The following CMIP variants were observed in gnomAD, a reference collection of about 807,000 sequenced individuals.
The protein encoded by CMIP is C-Maf-inducing protein.
Under a neutral mutation model 97.3 loss-of-function variants are expected in CMIP, and 13 were observed. That is an observed-to-expected ratio of 0.13 (90% confidence interval 0.09 to 0.21). The LOEUF is 0.21. Ranked by LOEUF, CMIP falls within the 10% of genes least tolerant of loss-of-function variation. CMIP has a pLI of 1.00. For missense variants in CMIP, 847 were observed against 1,024.9 expected (o/e 0.83, Z 2.37); for synonymous variants, 538 against 436.3 (o/e 1.23, Z -2.91).
chr16:81,570,390 G>A (rs1172628200), intron 1 of CMIP, among the ~76,000 whole-genome samples: 2 of 152,184 alleles, frequency 1.3e-5, no homozygotes, highest in African/African-American at 2.4e-5. Flanking sequence ...CACACTGGCG[G>A]TGAACCTGGC....
chr16:81,677,538 C>G (rs896368724), intron 9 of CMIP, among the ~76,000 whole-genome samples: 18 of 152,180 alleles, frequency 1.2e-4, no homozygotes, highest in African/African-American at 4.1e-4. Flanking sequence ...AGAGGAGGGG[C>G]TTTAACCAGG....
At chr16:81,573,139 T>C (rs2091126065) in intron 1 of CMIP, among the ~76,000 whole-genome samples, 1 of 152,092 alleles carries the variant, frequency 6.6e-6, no homozygotes, top group Admixed American at 6.5e-5. Context: ...AGATCAGGAG[T>C]TGGAGACCAG....
chr16:81,685,256 G>A (rs1012495686), intron 10 of CMIP, among the ~76,000 whole-genome samples: 1 of 152,212 alleles, frequency 6.6e-6, no homozygotes, highest in African/African-American at 2.4e-5. Context: ...CTGCCAGGAA[G>A]CGGAGCCCCA....
intron 19 of CMIP, among the ~76,000 whole-genome samples, 154 bp downstream of exon 19, chr16:81,705,758 A>C (rs779497106): frequency 3.3e-5 from 5 of 152,278 alleles, no homozygotes; most frequent in African/African-American, 4.8e-5. Context: ...GCTGTGGACC[A>C]GGCACCATTC....
intron 1 of CMIP, among the ~76,000 whole-genome samples, chr16:81,585,691 G>A (rs1326262360): frequency 1.6e-5 from 2 of 126,260 alleles, no homozygotes; most frequent in Non-Finnish European, 3.7e-5. Flanking sequence ...CTTTTGGCCA[G>A]TCCACTTCCC....
intron 1 of CMIP, among the ~76,000 whole-genome samples, chr16:81,535,465 GCT>G: frequency 8.3e-6 from 1 of 119,980 alleles, no homozygotes; most frequent in East Asian, 2.2e-4. Flanking sequence ...GCACTGGAAT[GCT>G]TTTTTTTTTT....
At chr16:81,479,969 G>T (rs532380669) in intron 1 of CMIP, among the ~76,000 whole-genome samples, 48 of 152,324 alleles carry the variant, frequency 3.2e-4, no homozygotes, top group Non-Finnish European at 5.6e-4. Flanking sequence ...GTCCACATAA[G>T]CATGTGTGGT....
At chr16:81,606,172 C>T (rs968816933) in intron 1 of CMIP, among the ~76,000 whole-genome samples, 1 of 152,194 alleles carries the variant, frequency 6.6e-6, no homozygotes, top group Non-Finnish European at 1.5e-5. Context: ...CTTCTGATTC[C>T]GGAGTCAGAT....
chr16:81,645,333 T>C (rs2092351928), intron 3 of CMIP: 1 of 1,364,798 alleles, frequency 7.3e-7, no homozygotes, highest in Non-Finnish European at 9.6e-7. Context: ...TCACGACAGG[T>C]GGTGGGGAGC....
intron 4 of CMIP, among the ~76,000 whole-genome samples, chr16:81,653,871 C>T (rs1322077975): frequency 1.3e-5 from 2 of 152,224 alleles, no homozygotes; most frequent in Non-Finnish European, 2.9e-5. Context: ...CCTTGGCCTC[C>T]CAAAGTGAGA....
At chr16:81,515,680 C>A (rs115490546) in intron 1 of CMIP, among the ~76,000 whole-genome samples, 1,803 of 152,236 alleles carry the variant, frequency 0.012, 33 homozygotes, top group African/African-American at 0.041. Context: ...TTCTAAGGAC[C>A]GGAGGTTGGT....
At chr16:81,503,883 T>C (rs1335627649) in intron 1 of CMIP, among the ~76,000 whole-genome samples, 2 of 152,388 alleles carry the variant, frequency 1.3e-5, no homozygotes, top group East Asian at 1.9e-4. Flanking sequence ...GGGCAGGATG[T>C]GGCTGAGTAG....
intron 1 of CMIP, among the ~76,000 whole-genome samples, chr16:81,578,341 C>G (rs910668457): frequency 6.6e-6 from 1 of 152,250 alleles, no homozygotes; most frequent in Non-Finnish European, 1.5e-5. Flanking sequence ...CTTTCCTGCT[C>G]TTCCTGGGGT....
intron 9 of CMIP, among the ~76,000 whole-genome samples, chr16:81,677,079 G>A (rs1376611763): frequency 1.3e-5 from 2 of 152,204 alleles, no homozygotes; most frequent in Admixed American, 1.3e-4. Context: ...TGGGATGTTT[G>A]GAAGTGTACC....
At chr16:81,478,734 G>T (rs965995740) in intron 1 of CMIP, among the ~76,000 whole-genome samples, 5 of 152,176 alleles carry the variant, frequency 3.3e-5, no homozygotes, top group African/African-American at 1.2e-4. Context: ...CAGTTCTCTT[G>T]TTCCTATAGG....
chr16:81,566,600 C>T (rs2090987883), intron 1 of CMIP, among the ~76,000 whole-genome samples: 1 of 152,228 alleles, frequency 6.6e-6, no homozygotes, highest in African/African-American at 2.4e-5. Context: ...TGGCAGGGGT[C>T]TAATGCATTC....
intron 1 of CMIP, among the ~76,000 whole-genome samples, chr16:81,571,947 C>T (rs2091098291): frequency 6.6e-6 from 1 of 152,200 alleles, no homozygotes; most frequent in Admixed American, 6.5e-5. Context: ...ACCCAGCTGC[C>T]CTCAGCCTTC....
chr16:81,517,475 A>G (rs1490344249), intron 1 of CMIP, among the ~76,000 whole-genome samples: 6 of 152,246 alleles, frequency 3.9e-5, no homozygotes, highest in Non-Finnish European at 7.3e-5. Context: ...ATTTTTTAAT[A>G]TGTATATGAT....
chr16:81,664,587 TGGA>T (rs2151025681), intron 7 of CMIP: 1 of 582,226 alleles, frequency 1.7e-6, no homozygotes, highest in Non-Finnish European at 3.1e-6. Flanking sequence ...ATACCGCAGC[TGGA>T]GGAGAAGAGG....
Sources: allele counts gnomAD v4.1 joint callset (sites outside exome capture counted in the v4.1 genomes callset), GRCh38; gene constraint gnomAD v4.1.1; transcripts MANE v1.5; gene names NCBI Gene and HGNC (gene_info 2026-07-23, HGNC 2026-07-21).